The following POU2F1 variants were observed in gnomAD, a reference collection of about 807,000 sequenced individuals.
POU2F1 encodes POU domain, class 2, transcription factor 1.
POU2F1 carries 16 observed loss-of-function variants against 84.9 expected under a neutral mutation model. The ratio of observed to expected loss-of-function variants is 0.19; its 90% CI spans 0.13 to 0.29. POU2F1 has a LOEUF of 0.29. Ranked by LOEUF, POU2F1 falls within the 10% of genes least tolerant of loss-of-function variation. The pLI, the probability that POU2F1 is intolerant of heterozygous loss-of-function variation, is 1.00. For missense variants in POU2F1, 738 were observed against 942.6 expected, an observed-to-expected ratio of 0.78 and a Z score of 2.84; for synonymous variants, 368 against 368.3, an observed-to-expected ratio of 1.00 and a Z score of 0.01.
intron 1 of POU2F1, among the ~76,000 whole-genome samples, chr1:167,262,251 C>G (rs1387098029): frequency 6.6e-6 from 1 of 152,020 alleles, no homozygotes. Context: ...ATTGCAGCCT[C>G]AGGCTCCTAA....
At chr1:167,379,516 T>G (rs776470175) in intron 7 of POU2F1, 1 of 152,166 alleles carries the variant, frequency 6.6e-6, no homozygotes, top group African/African-American at 2.4e-5. Flanking sequence ...AAAATATATA[T>G]GTAGTGTTAG....
At chr1:167,395,531 T>C (rs148204317) in intron 9 of POU2F1, among the ~76,000 whole-genome samples, 1 of 152,342 alleles carries the variant, frequency 6.6e-6, no homozygotes, top group African/African-American at 2.4e-5. Flanking sequence ...TTCGTAAATA[T>C]CTTGGGTTAT....
At chr1:167,313,442 G>A (rs1009851645) in intron 1 of POU2F1, among the ~76,000 whole-genome samples, 5 of 152,112 alleles carry the variant, frequency 3.3e-5, no homozygotes, top group Admixed American at 3.3e-4. Context: ...ATAGCCACAG[G>A]AATCAAGCCT....
chr1:167,277,699 A>G lies in POU2F1; in HGVS notation c.62-54771A>G, dbSNP rs182801092. Among the ~76,000 whole-genome samples, 4 of 152,154 alleles carry G rather than the reference A, an allele frequency of 2.6e-5. No homozygotes were observed. The East Asian group carries it at 7.7e-4, about 29-fold the overall frequency. ...ATTCTACGACCCAGCAATTATATCT[A>G]TCCCAATGGCCTCAGTTACTACTCG... On this transcript the variant is annotated intron_variant, in intron 1 of 15. Transcript: ENST00000367866.
chr1:167,351,519 C>CAAAAAAAAAAAAAAAAAAA (rs34170498), intron 2 of POU2F1, among the ~76,000 whole-genome samples: 1 of 45,990 alleles, frequency 2.2e-5, no homozygotes, highest in Non-Finnish European at 4.3e-5. Context: ...AGCACCATCT[C>CAAAAAAAAAAAAAAAAAAA]AAAAAAAAAA....
At chr1:167,325,803 C>T (rs777710658) in intron 1 of POU2F1, among the ~76,000 whole-genome samples, 2 of 151,274 alleles carry the variant, frequency 1.3e-5, no homozygotes, top group Non-Finnish European at 2.9e-5. Context: ...GCAGGAGAAT[C>T]GCTTGAAACT....
chr1:167,259,968 T>C (rs559429529), intron 1 of POU2F1, among the ~76,000 whole-genome samples: 1 of 152,194 alleles, frequency 6.6e-6, no homozygotes, highest in Admixed American at 6.5e-5. Flanking sequence ...AAGCTTCGCC[T>C]TCTGGGTTCA....
At chr1:167,223,441 TGTGA>T (rs1648386641) in intron 1 of POU2F1, among the ~76,000 whole-genome samples, 1 of 152,068 alleles carries the variant, frequency 6.6e-6, no homozygotes, top group African/African-American at 2.4e-5. Flanking sequence ...TAGGGGTGTG[TGTGA>T]GTGTGAGTGT....
intron 1 of POU2F1, among the ~76,000 whole-genome samples, chr1:167,223,112 A>C (rs894347399): frequency 6.6e-6 from 1 of 152,154 alleles, no homozygotes; most frequent in Non-Finnish European, 1.5e-5. Flanking sequence ...ATTGTCATAG[A>C]CTTGCTTATT....
intron 1 of POU2F1, among the ~76,000 whole-genome samples, chr1:167,310,377 AT>A (rs1291080937): frequency 6.6e-6 from 1 of 152,138 alleles, no homozygotes; most frequent in Non-Finnish European, 1.5e-5. Flanking sequence ...CTCAGATTGG[AT>A]TTTTAAAAAA....
chr1:167,240,389 AAAG>A (rs1181090486), intron 1 of POU2F1, among the ~76,000 whole-genome samples: 2 of 152,238 alleles, frequency 1.3e-5, no homozygotes, highest in East Asian at 3.8e-4. Context: ...ATATTAGAAA[AAAG>A]AGTAAGAGTT....
At chr1:167,323,154 A>G (rs925867207) in intron 1 of POU2F1, among the ~76,000 whole-genome samples, 1 of 152,232 alleles carries the variant, frequency 6.6e-6, no homozygotes, top group African/African-American at 2.4e-5. Flanking sequence ...TTAATGATTG[A>G]AATCAGTGAC....
At position 167,411,966 on chromosome 1, in the gene POU2F1, A is replaced by G; in HGVS notation, c.1563A>G (p.Ser521=). The stretch of plus-strand genomic sequence containing the variant: ...ATCTGTTTGTCTTTTCAGGCACTTC[A>G]GACACCACCTCCAACAACACAGCAA... ...AVTNLSVTGT[S]DTTSNNTATV... Residue 521 remains serine (S), a synonymous_variant, in exon 14 of 16, where the codon TCA becomes TCG. Transcript: ENST00000367866. 6.2e-7 allele frequency: 1 copy of G among 1,611,382 alleles called. No homozygotes were observed. The highest frequency in any genetic ancestry group is 8.5e-7 in the Non-Finnish European group (1 of 1,178,096).
intron 9 of POU2F1, among the ~76,000 whole-genome samples, chr1:167,392,783 A>G (rs1236328399): frequency 6.6e-6 from 1 of 152,236 alleles, no homozygotes; most frequent in East Asian, 1.9e-4. Context: ...TGTGGGTTAA[A>G]GTACATACTA....
At chr1:167,344,544 C>T (rs1391257391) in intron 2 of POU2F1, among the ~76,000 whole-genome samples, 1 of 152,198 alleles carries the variant, frequency 6.6e-6, no homozygotes, top group Admixed American at 6.5e-5. Context: ...AATCAAACCC[C>T]ATGGATTCAT....
intron 1 of POU2F1, among the ~76,000 whole-genome samples, chr1:167,276,574 T>C (rs1257044839): frequency 6.6e-6 from 1 of 152,164 alleles, no homozygotes; most frequent in Non-Finnish European, 1.5e-5. Context: ...AAGAAGAGTT[T>C]GATTTTTTAG....
At chr1:167,316,436 T>C (rs1655907749) in intron 1 of POU2F1, among the ~76,000 whole-genome samples, 1 of 152,214 alleles carries the variant, frequency 6.6e-6, no homozygotes, top group Non-Finnish European at 1.5e-5. Flanking sequence ...AGGGAAGACC[T>C]GAGGCCATAG....
In POU2F1 at chr1:167,334,009, T is replaced by TC. The variant is rs397794606; in HGVS notation, c.127+1477dup. Among the ~76,000 whole-genome samples, 21 of 151,724 alleles carry TC rather than the reference T, an allele frequency of 1.4e-4. No individual in the cohort carries two copies. In the South Asian group the frequency reaches 2.9e-3, roughly 21 times the overall value. On this transcript the variant is annotated intron_variant, in intron 2 of 15. Coordinates refer to ENST00000367866, the MANE Select transcript of POU2F1 (RefSeq NM_002697.4). ...TCAAAGAAGAAACATACTTTTTTTT[T>TC]CCCTAAGGGAAGATAAGCAAATGAT...
At chr1:167,262,983 T>G (rs1571189846) in intron 1 of POU2F1, among the ~76,000 whole-genome samples, 2 of 152,296 alleles carry the variant, frequency 1.3e-5, no homozygotes, top group Admixed American at 1.3e-4. Context: ...CAGTAGACAG[T>G]GGGGAGCCAC....
Sources: allele counts gnomAD v4.1 joint callset (sites outside exome capture counted in the v4.1 genomes callset), GRCh38; gene constraint gnomAD v4.1.1; transcripts MANE v1.5; gene names NCBI Gene and HGNC (gene_info 2026-07-23, HGNC 2026-07-21).